DFFB: variants seen among roughly 807,000 people sequenced by gnomAD.
DFFB encodes DNA fragmentation factor subunit beta.
A neutral mutation model predicts 32.7 loss-of-function variants in DFFB; 29 were observed. That is an observed-to-expected ratio of 0.89 (90% CI 0.66 to 1.21). The LOEUF is 1.21. Ranked by LOEUF, DFFB falls within the 50% of genes most tolerant of loss-of-function variation. DFFB has a pLI of 0.00. For synonymous variants in DFFB, 170 were observed against 177.1 expected, an observed-to-expected ratio of 0.96 and a Z score of 0.32; for missense variants, 398 against 440.6, an observed-to-expected ratio of 0.90 and a Z score of 0.87.
rs572095366 is a variant in DFFB at position 3,857,658 on chromosome 1, T to C, written c.55T>C (p.Phe19Leu). ...KLRALRSPRK[F>L]GVAGRSCQEV... ...GCGGGCCCTGCGCAGCCCGAGGAAGTTCGGCGTGGCTGGCCGGAGCTGCCA... is the reference window on the plus strand; with the variant it reads ...GCGGGCCCTGCGCAGCCCGAGGAAGCTCGGCGTGGCTGGCCGGAGCTGCCA... The change falls in exon 1 of 7, where the codon TTC (phenylalanine) becomes CTC (leucine). Residue 19 changes from phenylalanine to leucine, a missense_variant. Phe to Leu is a conservative substitution (Grantham distance 22). Transcript: ENST00000378209. The C allele has an allele frequency of 1.3e-6, 2 of 1,599,602 alleles. No individual in the cohort carries two copies. Among genetic ancestry groups the C allele is most frequent in the East Asian group, 2.3e-5 (1 of 43,862 alleles).
chr1:3,876,454 G>A (rs1376230344), intron 6 of DFFB, among the ~76,000 whole-genome samples: 1 of 152,226 alleles, frequency 6.6e-6, no homozygotes, highest in Non-Finnish European at 1.5e-5. Context: ...CTCACACACA[G>A]ATAAGTGTGT....
At chr1:3,875,218 A>G (rs1376946381) in intron 6 of DFFB, among the ~76,000 whole-genome samples, 3 of 152,110 alleles carry the variant, frequency 2.0e-5, no homozygotes, top group East Asian at 1.9e-4. Flanking sequence ...TGGGATGAAC[A>G]CTCTATGGAA....
chr1:3,879,716 C>T (rs1645298938), intron 6 of DFFB, among the ~76,000 whole-genome samples: 2 of 152,156 alleles, frequency 1.3e-5, no homozygotes, highest in Non-Finnish European at 2.9e-5. Context: ...CACTAAGACA[C>T]TCCTGTATTG....
chr1:3,865,266 C>A lies in DFFB; in HGVS notation c.242-546C>A, dbSNP rs12741965. Among the ~76,000 whole-genome samples, 44,341 of 152,002 alleles carry A rather than the reference C, an allele frequency of 0.29. 7,616 individuals are homozygous for A. Among genetic ancestry groups the A allele is most frequent in the African/African-American group, 0.47 (19,498 of 41,430 alleles). On this transcript the variant is annotated intron_variant, in intron 2 of 6. Coordinates refer to ENST00000378209, the MANE Select transcript of DFFB (RefSeq NM_004402.4). The surrounding 1 kb of genome is among the most constrained non-coding windows in gnomAD (Gnocchi z 4.7). ...TTCTCATATGGTGGATCGCACTGAT[C>A]GATTTGCAGGTGTGAACCAGCCTTG... is the stretch of plus-strand genomic sequence containing the variant.
chr1:3,857,624 C>T lies in DFFB; in HGVS notation c.21C>T (p.Ser7=). 6.2e-7 allele frequency: 1 copy of T among 1,600,088 alleles called. No individual in the cohort carries two copies. Among genetic ancestry groups the T allele is most frequent in the Non-Finnish European group, 8.5e-7 (1 of 1,173,900 alleles). MLQKPK[S]VKLRALRSPR... Reference sequence around the variant, plus strand: ...CTGCAATGCTCCAGAAGCCCAAGAGCGTGAAGCTGCGGGCCCTGCGCAGCC... The same window carrying T: ...CTGCAATGCTCCAGAAGCCCAAGAGTGTGAAGCTGCGGGCCCTGCGCAGCC... Residue 7 remains serine, a synonymous_variant, in exon 1 of 7, where the codon AGC becomes AGT. Coordinates refer to ENST00000378209, the MANE Select transcript of DFFB (RefSeq NM_004402.4).
chr1:3,869,540 C>A, intron 4 of DFFB, 65 bp from the exon 5 acceptor site: 1 of 1,509,378 alleles, frequency 6.6e-7, no homozygotes, highest in South Asian at 1.2e-5. Context: ...TGAGATGGAT[C>A]GAGAGCCAGT....
In DFFB at chr1:3,866,017, G is replaced by A. The variant is rs757928685; in HGVS notation, c.430+17G>A. 3.3e-6 allele frequency: 5 copies of A among 1,527,368 alleles called. No homozygotes were observed. Among genetic ancestry groups the A allele is most frequent in the Non-Finnish European group, 4.4e-6 (5 of 1,138,100 alleles). The allele number at this position is 1,527,368 out of a possible 1,614,324, so 94.6% of individuals were successfully genotyped here. A position where few individuals can be genotyped will look rare whatever the true frequency, so the allele number is the denominator to read the frequency against. On this transcript the variant is annotated intron_variant, in intron 3 of 6. Transcript: ENST00000378209. ...GGTTTGAAGGTGCGTGGGGGCTGCAGCTGGCAGGGGAGAGGCTTCTTTGGA... is the reference window on the plus strand; with the variant it reads ...GGTTTGAAGGTGCGTGGGGGCTGCAACTGGCAGGGGAGAGGCTTCTTTGGA...
rs763196046 is a variant in DFFB, at chr1:3,872,454, T to C, written c.682-18T>C. 4.4e-6 allele frequency: 7 copies of C among 1,595,686 alleles called. No homozygotes were observed. Among genetic ancestry groups the C allele is most frequent in the Non-Finnish European group, 5.2e-6 (6 of 1,164,272 alleles). ...AGACTCACTTTCTGGCCTTCCCTCATTGTCTTTTGGCCCCCAGGGTCCCTT... is the reference window on the plus strand; with the variant it reads ...AGACTCACTTTCTGGCCTTCCCTCACTGTCTTTTGGCCCCCAGGGTCCCTT... On this transcript the variant is annotated intron_variant, in intron 5 of 6. Transcript: ENST00000378209.
chr1:3,863,026 G>GT (rs1216560135), intron 2 of DFFB, among the ~76,000 whole-genome samples: 1 of 152,176 alleles, frequency 6.6e-6, no homozygotes, highest in Non-Finnish European at 1.5e-5. Flanking sequence ...GCAGGCGCCT[G>GT]TAATTCCAGC....
intron 4 of DFFB, among the ~76,000 whole-genome samples, chr1:3,869,215 A>G (rs1373565263): frequency 6.6e-6 from 1 of 152,202 alleles, no homozygotes; most frequent in Non-Finnish European, 1.5e-5. Context: ...ATGTACCACC[A>G]TGCCCAGCTA....
At chr1:3,872,367 C>T (rs1428619188) in intron 5 of DFFB, 105 bp from the exon 6 acceptor site, 31 of 777,130 alleles carry the variant, frequency 4.0e-5, no homozygotes, top group South Asian at 1.8e-4. Context: ...AAGCCGAGAT[C>T]GGGCCACTGC....
At chr1:3,861,278 G>A (rs1644876020) in intron 2 of DFFB, among the ~76,000 whole-genome samples, 5 of 151,906 alleles carry the variant, frequency 3.3e-5, no homozygotes, top group South Asian at 4.1e-4. Context: ...TCCATAGTCC[G>A]TTCCTTTTCA....
intron 2 of DFFB, among the ~76,000 whole-genome samples, chr1:3,862,585 A>G (rs925098830): frequency 3.3e-5 from 5 of 152,202 alleles, no homozygotes; most frequent in African/African-American, 1.2e-4. Context: ...AGGACCATTC[A>G]ACGGAGGGGG....
intron 6 of DFFB, among the ~76,000 whole-genome samples, chr1:3,874,847 T>C (rs375183475): frequency 8.2e-3 from 630 of 76,918 alleles, no homozygotes; most frequent in Middle Eastern, 0.021. Flanking sequence ...CTTTACCACA[T>C]GCGTGTGGGT....
At position 3,869,601 on chromosome 1, in the gene DFFB, C is replaced by T. The variant is rs201904051; in HGVS notation, c.511-4C>T. The T allele has an allele frequency of 4.5e-4, 728 of 1,604,804 alleles. No homozygotes were observed. The highest frequency in any genetic ancestry group is 5.7e-4 in the Non-Finnish European group (673 of 1,175,838). ...GGCTCACCGACGTTCCTTGGTTCCT[C>T]CAGGTGAGCTCCTACCCCTCCACGG... On this transcript the variant is annotated splice_region_variant and splice_polypyrimidine_tract_variant and intron_variant, in intron 4 of 6. Transcript: ENST00000378209.
chr1:3,883,916 GTTTT>G lies in DFFB; in HGVS notation c.*180_*183del, dbSNP rs557201426. The G allele has an allele frequency of 5.0e-6, 3 of 604,620 alleles. No homozygotes were observed. The highest frequency in any genetic ancestry group is 2.2e-5 in the South Asian group (1 of 46,466). The allele number at this position is 604,620 out of a possible 1,614,324, so 37.5% of individuals were successfully genotyped here. ...TTCATTACATTTCTGAATTGTTGGG[GTTTT>G]TTTTGTTGTTTTGTTTTGTTTTGTA... is the stretch of plus-strand genomic sequence containing the variant. On this transcript the variant is annotated 3_prime_UTR_variant, in exon 7 of 7. Transcript: ENST00000378209.
chr1:3,870,123 T>G (rs1645081837), intron 5 of DFFB, among the ~76,000 whole-genome samples: 1 of 152,188 alleles, frequency 6.6e-6, no homozygotes, highest in African/African-American at 2.4e-5. Context: ...TTCTGGAGGC[T>G]GGAAGCTGAG....
chr1:3,872,714 C>A (rs748605371), intron 6 of DFFB, 142 bp downstream of exon 6: 2 of 787,094 alleles, frequency 2.5e-6, no homozygotes, highest in African/African-American at 1.7e-5. Flanking sequence ...AAGGGCTGCA[C>A]CCGTGTTACA....
chr1:3,873,908 G>A (rs188502812), intron 6 of DFFB, among the ~76,000 whole-genome samples: 2 of 152,272 alleles, frequency 1.3e-5, no homozygotes, highest in East Asian at 1.9e-4. Context: ...AACCTGTATT[G>A]CTTTCGGAGT....
Sources: gnomAD v4.1 joint callset for allele counts (sites outside exome capture counted in the v4.1 genomes callset) on GRCh38, gnomAD v4.1.1 for gene constraint, Gnocchi (gnomAD v3.1) non-coding constraint, MANE v1.5 for transcripts, NCBI Gene and HGNC (gene_info 2026-07-23, HGNC 2026-07-21) for gene names.